Variants in HEATR5B observed in about 807,000 individuals in gnomAD.
HEATR5B encodes the protein HEAT repeat-containing protein 5B.
A neutral mutation model predicts 224.1 loss-of-function variants in HEATR5B; 156 were observed. The observed-to-expected ratio is 0.70, with a 90% CI of 0.61 to 0.80. The LOEUF is 0.80. Ranked by LOEUF, HEATR5B falls within the 30% of genes least tolerant of loss-of-function variation. The probability of loss-of-function intolerance (pLI) is 0.00; values close to 1 mark genes in which losing one functional copy is unlikely to be tolerated. For synonymous variants in HEATR5B, 1,027 were observed against 893.0 expected (o/e 1.15, Z -2.68); for missense variants, 2,323 against 2,535.5 (o/e 0.92, Z 1.80).
At chr2:37,032,555 T>C (rs1669198992) in intron 22 of HEATR5B, 74 bp downstream of exon 22, 2 of 1,243,804 alleles carry the variant, frequency 1.6e-6, no homozygotes, top group Admixed American at 2.3e-5. Context: ...AAAAATGTTA[T>C]TTGATAAATA....
chr2:36,994,440 G>A (rs1246506067), intron 33 of HEATR5B, among the ~76,000 whole-genome samples: 1 of 152,106 alleles, frequency 6.6e-6, no homozygotes, highest in African/African-American at 2.4e-5. Context: ...ACAGGAAATA[G>A]GATTTCCATA....
Position 37,025,394 on chromosome 2 carries a change from G to A in HEATR5B, c.3853+2529C>T, listed in dbSNP as rs1668705740. Among the ~76,000 whole-genome samples the A allele has an allele frequency of 2.6e-5, 4 of 151,396 alleles. No homozygotes were observed. In the South Asian group the frequency reaches 8.4e-4, roughly 32 times the overall value. On this transcript the variant is annotated intron_variant, in intron 24 of 35. Coordinates refer to ENST00000233099, the MANE Select transcript of HEATR5B (RefSeq NM_019024.3). ...TTTATTAAAGAAAAATGCAACCAGG[G>A]AAAAGAACGATTCTGAAGATTCAGA...
intron 20 of HEATR5B, among the ~76,000 whole-genome samples, chr2:37,038,676 T>C (rs1408983077): frequency 6.6e-6 from 1 of 152,114 alleles, no homozygotes; most frequent in African/African-American, 2.4e-5. Flanking sequence ...TTAAATCACC[T>C]GTTTTTCCCT....
In HEATR5B at chr2:37,060,672, T is replaced by C. The variant is rs1422124522; in HGVS notation, c.1758A>G (p.Pro586=). 6.2e-7 allele frequency: 1 copy of C among 1,613,906 alleles called. No homozygotes were observed. Among genetic ancestry groups the C allele is most frequent in the Admixed American group, 1.7e-5 (1 of 59,974 alleles). Residue 586 remains proline, a synonymous_variant, in exon 12 of 36, where the codon CCA becomes CCG. Coordinates refer to ENST00000233099, the MANE Select transcript of HEATR5B (RefSeq NM_019024.3). Reference sequence around the variant, plus strand: ...CAGCTTCCAATTCCTTTAAGGAACGTGGGAAAACATTTCGCCACAATAACA... The same window carrying C: ...CAGCTTCCAATTCCTTTAAGGAACGCGGGAAAACATTTCGCCACAATAACA... ...KMLLLWRNVF[P]RSLKELEAEK...
intron 21 of HEATR5B, among the ~76,000 whole-genome samples, chr2:37,033,618 T>C (rs1383945370): frequency 6.6e-6 from 1 of 152,144 alleles, no homozygotes; most frequent in East Asian, 1.9e-4. Context: ...GAAAGGTCCC[T>C]GAATATAGTA....
At chr2:36,997,115 GT>G (rs149357264) in intron 33 of HEATR5B, among the ~76,000 whole-genome samples, 24,558 of 152,058 alleles carry the variant, frequency 0.16, 2,186 homozygotes, top group African/African-American at 0.21. Context: ...ATTATTGTCA[GT>G]TTTTCAGCTG....
intron 17 of HEATR5B, among the ~76,000 whole-genome samples, chr2:37,052,894 GA>G (rs1179620742): frequency 6.6e-6 from 1 of 152,126 alleles, no homozygotes; most frequent in Non-Finnish European, 1.5e-5. Flanking sequence ...TTGCACAATT[GA>G]AAACTTATAA....
At chr2:37,013,739 G>C (rs979869755) in intron 27 of HEATR5B, 102 bp downstream of exon 27, 6 of 980,156 alleles carry the variant, frequency 6.1e-6, no homozygotes, top group Non-Finnish European at 8.9e-6. Flanking sequence ...TCAAGGGTTA[G>C]TTTTTAAAAA....
chr2:37,020,528 T>C (rs1219797080), intron 25 of HEATR5B, 127 bp downstream of exon 25: 2 of 572,844 alleles, frequency 3.5e-6, no homozygotes, highest in Non-Finnish European at 5.9e-6. Flanking sequence ...ACAATGGAGA[T>C]AAAGAGATGC....
intron 35 of HEATR5B, among the ~76,000 whole-genome samples, chr2:36,982,827 GCA>G (rs992890798): frequency 7.1e-6 from 1 of 141,208 alleles, no homozygotes; most frequent in Non-Finnish European, 1.5e-5. Flanking sequence ...ATATAAAATT[GCA>G]CAAAGATACA....
chr2:36,990,047 G>A (rs565265369), intron 34 of HEATR5B, among the ~76,000 whole-genome samples: 21 of 151,700 alleles, frequency 1.4e-4, no homozygotes, highest in Non-Finnish European at 2.2e-4. Context: ...GATTACAGGC[G>A]CATGCCACCA....
In HEATR5B at chr2:37,040,545, G is replaced by C. The variant is rs767402219; in HGVS notation, c.2857-27C>G. The C allele has an allele frequency of 2.6e-6, 4 of 1,543,546 alleles. No homozygotes were observed. In the African/African-American group the frequency reaches 4.2e-5, roughly 16 times the overall value. On this transcript the variant is annotated intron_variant, in intron 19 of 35. Coordinates refer to ENST00000233099, the MANE Select transcript of HEATR5B (RefSeq NM_019024.3). ...TAGAATAAAATATAATTTCATTTTA[G>C]TTGTAAGGAAGAATTCGAATGTACT...
At chr2:37,066,924 C>T (rs1033251968) in intron 8 of HEATR5B, among the ~76,000 whole-genome samples, 3 of 151,788 alleles carry the variant, frequency 2.0e-5, no homozygotes, top group East Asian at 1.9e-4. Flanking sequence ...GGCTGGAGTG[C>T]GGTGGTGCCA....
At chr2:37,040,545 G>A in intron 19 of HEATR5B, 27 bp from the exon 20 acceptor site, 2 of 1,543,662 alleles carry the variant, frequency 1.3e-6, no homozygotes, top group South Asian at 1.2e-5. Context: ...TTTCATTTTA[G>A]TTGTAAGGAA....
At chr2:37,004,063 T>C (rs1374115947) in intron 30 of HEATR5B, among the ~76,000 whole-genome samples, 1 of 152,206 alleles carries the variant, frequency 6.6e-6, no homozygotes, top group African/African-American at 2.4e-5. Context: ...CCACAGATTG[T>C]AGAAATCTCT....
At chr2:37,065,212 G>T (rs891836403) in intron 9 of HEATR5B, among the ~76,000 whole-genome samples, 1 of 152,018 alleles carries the variant, frequency 6.6e-6, no homozygotes, top group Non-Finnish European at 1.5e-5. Context: ...AAATTTAATA[G>T]AAGTCTTCAA....
chr2:37,062,610 C>G (rs1671353930), intron 10 of HEATR5B, among the ~76,000 whole-genome samples: 2 of 152,234 alleles, frequency 1.3e-5, no homozygotes, highest in Non-Finnish European at 2.9e-5. Context: ...TCATTTAGCA[C>G]TGCTTAGTTC....
chr2:37,012,810 T>C (rs1379679587), intron 27 of HEATR5B, among the ~76,000 whole-genome samples: 1 of 152,194 alleles, frequency 6.6e-6, no homozygotes. Flanking sequence ...TACCTCCTCC[T>C]ATCCTCCATG....
At chr2:37,010,058 A>T (rs962719928) in intron 27 of HEATR5B, among the ~76,000 whole-genome samples, 1 of 152,154 alleles carries the variant, frequency 6.6e-6, no homozygotes, top group Non-Finnish European at 1.5e-5. Flanking sequence ...AAAGACATAA[A>T]AGCAACTTTC....
Sources: gnomAD v4.1 joint callset for allele counts (sites outside exome capture counted in the v4.1 genomes callset) on GRCh38, gnomAD v4.1.1 for gene constraint, MANE v1.5 for transcripts, NCBI Gene and HGNC (gene_info 2026-07-23, HGNC 2026-07-21) for gene names.